Variants in BCR observed in about 807,000 individuals in gnomAD.
BCR encodes BCR activator of RhoGEF and GTPase.
In BCR, 58 loss-of-function variants were observed where a neutral mutation model predicts 138.6. That is an observed-to-expected ratio of 0.42 (90% CI 0.34 to 0.52). The LOEUF is 0.52. Among genes scored for constraint, BCR ranks in the 20% least tolerant of loss-of-function variants. The pLI, the probability that BCR is intolerant of heterozygous loss-of-function variation, is 0.06. For missense variants in BCR, 1,599 were observed against 1,727.2 expected, an observed-to-expected ratio of 0.93 and a Z score of 1.32; for synonymous variants, 786 against 730.1, an observed-to-expected ratio of 1.08 and a Z score of -1.23.
At chr22:23,232,783 A>C (rs1216417419) in intron 1 of BCR, among the ~76,000 whole-genome samples, 1 of 152,200 alleles carries the variant, frequency 6.6e-6, no homozygotes, top group African/African-American at 2.4e-5. Flanking sequence ...GCATTCATGT[A>C]GGAAGGCCTT....
At chr22:23,221,815 G>A (rs79844393) in intron 1 of BCR, among the ~76,000 whole-genome samples, 5,100 of 152,266 alleles carry the variant, frequency 0.033, 277 homozygotes, top group African/African-American at 0.11. Flanking sequence ...CAGCCAGATG[G>A]ACTCAGTGGC....
intron 4 of BCR, chr22:23,264,789 C>G (rs753255086): frequency 4.4e-4 from 68 of 155,850 alleles, no homozygotes; most frequent in Non-Finnish European, 7.4e-4. Flanking sequence ...CTAGCACCAG[C>G]CAGACCTCAC....
At chr22:23,237,750 G>A (rs1169328076) in intron 1 of BCR, among the ~76,000 whole-genome samples, 1 of 152,208 alleles carries the variant, frequency 6.6e-6, no homozygotes, top group East Asian at 1.9e-4. Context: ...GCTGGCCTTT[G>A]TAGTGGATGA....
At chr22:23,199,481 C>T (rs1602006084) in intron 1 of BCR, 1 of 378,080 alleles carries the variant, frequency 2.6e-6, no homozygotes, top group East Asian at 6.9e-5. Context: ...TGTTTTCACT[C>T]CTCAGGAAGC....
chr22:23,204,216 A>C (rs2072586398), intron 1 of BCR, among the ~76,000 whole-genome samples: 1 of 151,796 alleles, frequency 6.6e-6, no homozygotes, highest in Non-Finnish European at 1.5e-5. Context: ...ATCCCAGCTC[A>C]TGGATTATGG....
At chr22:23,200,130 T>TA (rs2072535371) in intron 1 of BCR, among the ~76,000 whole-genome samples, 1 of 150,510 alleles carries the variant, frequency 6.6e-6, no homozygotes, top group Non-Finnish European at 1.5e-5. Context: ...CAGGGCATGA[T>TA]ACTGACGAGA....
intron 1 of BCR, among the ~76,000 whole-genome samples, chr22:23,218,033 C>T (rs1568938723): frequency 6.6e-6 from 1 of 152,220 alleles, no homozygotes; most frequent in African/African-American, 2.4e-5. Flanking sequence ...TGGGAAACTT[C>T]GGGCCTGCAG....
At chr22:23,247,563 G>T (rs2073170537) in intron 1 of BCR, among the ~76,000 whole-genome samples, 1 of 152,126 alleles carries the variant, frequency 6.6e-6, no homozygotes. Context: ...GGGGCACATT[G>T]GCAGAGGTTG....
chr22:23,200,464 A>C (rs1389789172), intron 1 of BCR, among the ~76,000 whole-genome samples: 2 of 151,900 alleles, frequency 1.3e-5, no homozygotes, highest in East Asian at 3.9e-4. Context: ...ACAGGCATGC[A>C]CCACCATCCC....
intron 1 of BCR, among the ~76,000 whole-genome samples, chr22:23,224,620 G>A (rs945562856): frequency 4.6e-5 from 7 of 152,270 alleles, no homozygotes; most frequent in Middle Eastern, 3.4e-3. Context: ...TGTAGCTCAC[G>A]CCTGTAATCC....
At chr22:23,291,525 C>T (rs1430831250) in intron 14 of BCR, among the ~76,000 whole-genome samples, 2 of 152,112 alleles carry the variant, frequency 1.3e-5, no homozygotes, top group Non-Finnish European at 2.9e-5. Flanking sequence ...GTGGGCCTCC[C>T]TGCATCCCTG....
At chr22:23,247,275 G>A (rs1387653410) in intron 1 of BCR, among the ~76,000 whole-genome samples, 2 of 152,136 alleles carry the variant, frequency 1.3e-5, no homozygotes, top group Admixed American at 1.3e-4. Context: ...ACAGCTGGCC[G>A]AGCCACCGGA....
At chr22:23,246,609 C>G (rs1026207725) in intron 1 of BCR, among the ~76,000 whole-genome samples, 3 of 152,178 alleles carry the variant, frequency 2.0e-5, no homozygotes, top group Non-Finnish European at 4.4e-5. Context: ...ACAGGTGCAG[C>G]TGGGCACAGT....
chr22:23,231,838 G>A (rs2072962971), intron 1 of BCR, among the ~76,000 whole-genome samples: 1 of 152,190 alleles, frequency 6.6e-6, no homozygotes, highest in Non-Finnish European at 1.5e-5. Flanking sequence ...ATTTTGTTTG[G>A]AGCTGCAGGT....
At chr22:23,267,568 T>TA (rs746860463) in intron 4 of BCR, among the ~76,000 whole-genome samples, 9 of 152,252 alleles carry the variant, frequency 5.9e-5, no homozygotes, top group African/African-American at 9.6e-5. Flanking sequence ...GCCTTGGGCT[T>TA]CCAGCTTGCA....
At chr22:23,276,716 C>G (rs1172366703) in intron 8 of BCR, among the ~76,000 whole-genome samples, 1 of 152,256 alleles carries the variant, frequency 6.6e-6, no homozygotes, top group Non-Finnish European at 1.5e-5. Context: ...TGCTGCTGAT[C>G]AGTTGGGCAC....
At chr22:23,210,984 A>G (rs1413400878) in intron 1 of BCR, among the ~76,000 whole-genome samples, 1 of 152,166 alleles carries the variant, frequency 6.6e-6, no homozygotes, top group Admixed American at 6.5e-5. Flanking sequence ...AGAGTTGTGC[A>G]GTCATCATCA....
rs2072233219 is a variant in BCR at position 23,180,764 on chromosome 22, G to GTGCCC, written c.-197_-196insTGCCC. On this transcript the variant is annotated 5_prime_UTR_variant, in exon 1 of 23. Coordinates refer to ENST00000305877, the MANE Select transcript of BCR (RefSeq NM_004327.4). ...CGCAGCCCGCGCCCTTCCCCCCGGC[G>GTGCCC]CGCCCCGCCCCGCGCGCCGAGCGCC... 1 of 159,090 alleles carries GTGCCC rather than the reference G, an allele frequency of 6.3e-6. No individual in the cohort carries two copies. The highest frequency in any genetic ancestry group is 1.3e-5 in the Non-Finnish European group (1 of 77,850). The allele number at this position is 159,090 out of a possible 1,614,324, so 9.9% of individuals were successfully genotyped here.
intron 1 of BCR, among the ~76,000 whole-genome samples, chr22:23,223,685 C>A (rs1200345189): frequency 6.6e-6 from 1 of 152,140 alleles, no homozygotes; most frequent in Non-Finnish European, 1.5e-5. Context: ...CTTCTCCACT[C>A]CAGTTGGCAA....
Sources: gnomAD v4.1 joint callset for allele counts (sites outside exome capture counted in the v4.1 genomes callset) on GRCh38, gnomAD v4.1.1 for gene constraint, MANE v1.5 for transcripts, NCBI Gene and HGNC (gene_info 2026-07-23, HGNC 2026-07-21) for gene names.